The following CADM1 variants were observed in gnomAD, a reference collection of about 807,000 sequenced individuals.
CADM1 encodes cell adhesion molecule 1, also known as TSLC-1.
CADM1 carries 15 observed loss-of-function variants against 53.1 expected under a neutral mutation model. That is an observed-to-expected ratio of 0.28 (90% CI 0.19 to 0.44). CADM1 has a LOEUF of 0.44. CADM1 is among the 20% of genes least tolerant of loss of function. The probability of loss-of-function intolerance (pLI) is 1.00; values close to 1 mark genes in which losing one functional copy is unlikely to be tolerated. For missense variants in CADM1, 434 were observed against 611.3 expected, an observed-to-expected ratio of 0.71 and a Z score of 3.06; for synonymous variants, 281 against 243.0, an observed-to-expected ratio of 1.16 and a Z score of -1.45.
chr11:115,244,120 CT>C (rs1383137211), intron 1 of CADM1, among the ~76,000 whole-genome samples: 1 of 152,206 alleles, frequency 6.6e-6, no homozygotes, highest in Non-Finnish European at 1.5e-5. Context: ...GTCCCATTCG[CT>C]TACAATCAAG....
At chr11:115,474,817 T>C (rs1371802978) in intron 1 of CADM1, among the ~76,000 whole-genome samples, 1 of 152,134 alleles carries the variant, frequency 6.6e-6, no homozygotes, top group African/African-American at 2.4e-5. Flanking sequence ...CTGCACGTTG[T>C]GCACATGTAC....
intron 1 of CADM1, among the ~76,000 whole-genome samples, chr11:115,252,890 G>A (rs1228697034): frequency 6.6e-6 from 1 of 152,146 alleles, no homozygotes; most frequent in Non-Finnish European, 1.5e-5. Context: ...ACAAAAGCTT[G>A]CTGTCTTCCA....
intron 1 of CADM1, among the ~76,000 whole-genome samples, chr11:115,467,556 TA>T (rs1329030971): frequency 6.6e-6 from 1 of 152,160 alleles, no homozygotes; most frequent in African/African-American, 2.4e-5. Context: ...TGAGATGCAC[TA>T]GGCATATTAA....
Position 115,489,009 on chromosome 11 carries a change from A to G in CADM1, c.124+15262T>C, listed in dbSNP as rs534686138. On this transcript the variant is annotated intron_variant, in intron 1 of 11. Coordinates refer to ENST00000331581, the MANE Select transcript of CADM1 (RefSeq NM_001301043.2). ...AGAATATATATATCTCAGTTTTAAGACAAGCCTCTCATGAAAGCTGAGGTG... is the reference window on the plus strand; with the variant it reads ...AGAATATATATATCTCAGTTTTAAGGCAAGCCTCTCATGAAAGCTGAGGTG... Among the ~76,000 whole-genome samples the G allele has an allele frequency of 6.6e-5, 10 of 152,314 alleles. No homozygotes were observed. The South Asian group carries it at 2.1e-3, about 32-fold the overall frequency.
At chr11:115,458,180 A>G (rs1948719794) in intron 1 of CADM1, among the ~76,000 whole-genome samples, 1 of 152,000 alleles carries the variant, frequency 6.6e-6, no homozygotes, top group Non-Finnish European at 1.5e-5. Context: ...AAAAGTATAA[A>G]TGCTCATATG....
At chr11:115,457,070 C>T (rs940534541) in intron 1 of CADM1, among the ~76,000 whole-genome samples, 1 of 152,102 alleles carries the variant, frequency 6.6e-6, no homozygotes, top group Non-Finnish European at 1.5e-5. Flanking sequence ...CTACTAATTG[C>T]CAGGTACTAT....
intron 1 of CADM1, among the ~76,000 whole-genome samples, chr11:115,327,767 T>C (rs1317382969): frequency 2.6e-5 from 4 of 152,190 alleles, no homozygotes; most frequent in Non-Finnish European, 5.9e-5. Flanking sequence ...AAGATTGTAT[T>C]AGTACCTACT....
chr11:115,503,113 C>T (rs891595266), intron 1 of CADM1, among the ~76,000 whole-genome samples: 3 of 152,156 alleles, frequency 2.0e-5, no homozygotes, highest in Admixed American at 1.3e-4. Context: ...GGCCAGAGGA[C>T]GCCGCGCGGC....
chr11:115,179,050 C>T, intron 10 of CADM1: 1 of 447,206 alleles, frequency 2.2e-6, no homozygotes, highest in African/African-American at 2.0e-5. Context: ...AAGAAATAGT[C>T]TATCCGGCCC....
intron 1 of CADM1, among the ~76,000 whole-genome samples, chr11:115,298,937 T>A (rs756886844): frequency 6.6e-6 from 1 of 152,168 alleles, no homozygotes; most frequent in African/African-American, 2.4e-5. Flanking sequence ...TGATGTTACC[T>A]GAACACTGCC....
At chr11:115,284,114 CTG>C (rs751286330) in intron 1 of CADM1, among the ~76,000 whole-genome samples, 8,404 of 97,638 alleles carry the variant, frequency 0.086, 440 homozygotes, top group South Asian at 0.17. Flanking sequence ...CTCTCTCTCT[CTG>C]TGTGTGTGTG....
At chr11:115,203,999 C>T (rs1205619267) in intron 8 of CADM1, among the ~76,000 whole-genome samples, 2 of 152,110 alleles carry the variant, frequency 1.3e-5, no homozygotes, top group East Asian at 3.9e-4. Context: ...ATTCTTGTCA[C>T]TAGGTATACT....
intron 1 of CADM1, among the ~76,000 whole-genome samples, chr11:115,493,203 G>A (rs1276702902): frequency 6.6e-6 from 1 of 151,186 alleles, no homozygotes; most frequent in Non-Finnish European, 1.5e-5. Context: ...GGATACAGGA[G>A]CCACTCTGAA....
chr11:115,333,609 C>T (rs1945187411), intron 1 of CADM1: 2 of 152,112 alleles, frequency 1.3e-5, no homozygotes, highest in Non-Finnish European at 2.9e-5. Context: ...TGACCAACAA[C>T]CTTACTTAGG....
chr11:115,321,063 T>C (rs1396910592), intron 1 of CADM1, among the ~76,000 whole-genome samples: 2 of 152,172 alleles, frequency 1.3e-5, no homozygotes, highest in Non-Finnish European at 2.9e-5. Flanking sequence ...ATTTCATATA[T>C]TGCATTAATG....
intron 1 of CADM1, among the ~76,000 whole-genome samples, chr11:115,425,915 G>A (rs1376031291): frequency 2.0e-5 from 3 of 152,136 alleles, no homozygotes; most frequent in African/African-American, 4.8e-5. Context: ...TCACCTGTGG[G>A]CTTCAAACAG....
intron 1 of CADM1, among the ~76,000 whole-genome samples, chr11:115,469,937 T>G (rs1332484977): frequency 6.6e-6 from 1 of 152,162 alleles, no homozygotes; most frequent in East Asian, 1.9e-4. Context: ...CCTCCCAAAT[T>G]GCTGGGATTA....
intron 1 of CADM1, among the ~76,000 whole-genome samples, chr11:115,491,029 G>C (rs568322138): frequency 6.6e-6 from 1 of 152,246 alleles, no homozygotes; most frequent in Non-Finnish European, 1.5e-5. Flanking sequence ...AACATAGTCT[G>C]AGGTTTAAAT....
At chr11:115,222,016 G>A (rs1941425199) in intron 5 of CADM1, among the ~76,000 whole-genome samples, 1 of 152,114 alleles carries the variant, frequency 6.6e-6, no homozygotes, top group African/African-American at 2.4e-5. Context: ...CTGCATTTGG[G>A]ACACAGGCTC....
Sources: gnomAD v4.1 joint callset for allele counts (sites outside exome capture counted in the v4.1 genomes callset) on GRCh38, gnomAD v4.1.1 for gene constraint, MANE v1.5 for transcripts, NCBI Gene and HGNC (gene_info 2026-07-23, HGNC 2026-07-21) for gene names.